Variants in SPNS3 observed in about 807,000 individuals in gnomAD.
SPNS3 encodes SPNS lysolipid transporter 3, sphingosine-1-phosphate (putative).
A neutral mutation model predicts 54.4 loss-of-function variants in SPNS3; 51 were observed. That is an observed-to-expected ratio of 0.94 (90% confidence interval 0.75 to 1.18). SPNS3 has a LOEUF of 1.18. SPNS3 is among the 50% of genes most tolerant of loss of function. The pLI is 0.00. For missense variants in SPNS3, 669 were observed against 677.4 expected, an observed-to-expected ratio of 0.99 and a Z score of 0.14; for synonymous variants, 309 against 294.7, an observed-to-expected ratio of 1.05 and a Z score of -0.50.
At chr17:4,482,132 C>T (rs1399208656) in intron 9 of SPNS3, 2 of 152,348 alleles carry the variant, frequency 1.3e-5, no homozygotes, top group South Asian at 2.1e-4. Context: ...ATGATCCGCC[C>T]CCCTTGGCCT....
intron 8 of SPNS3, among the ~76,000 whole-genome samples, chr17:4,473,512 C>G (rs919972430): frequency 1.3e-5 from 2 of 151,946 alleles, no homozygotes; most frequent in Non-Finnish European, 2.9e-5. Flanking sequence ...TTTAGCCACC[C>G]GAGTAGCTGG....
At position 4,460,798 on chromosome 17, in the gene SPNS3, T is replaced by C. The variant is rs139172834; in HGVS notation, c.1113+7593T>C. Among the ~76,000 whole-genome samples, 5 of 152,262 alleles carry C rather than the reference T, an allele frequency of 3.3e-5. No homozygotes were observed. The East Asian group carries it at 7.7e-4, about 23-fold the overall frequency. On this transcript the variant is annotated intron_variant, in intron 8 of 11. Coordinates refer to ENST00000355530, the MANE Select transcript of SPNS3 (RefSeq NM_182538.5). ...TTGAGGATTTTTGCACGTACATTCA[T>C]AAGAGATATTGGTCTGCAGTTTTCT... is the stretch of plus-strand genomic sequence containing the variant.
chr17:4,444,355 C>G, intron 2 of SPNS3, among the ~76,000 whole-genome samples: 1 of 151,610 alleles, frequency 6.6e-6, no homozygotes, highest in East Asian at 2.0e-4. Context: ...GCTGGGAGTA[C>G]AGATGCCCAC....
intron 8 of SPNS3, among the ~76,000 whole-genome samples, chr17:4,464,879 C>T (rs1303544209): frequency 1.3e-5 from 2 of 152,218 alleles, no homozygotes; most frequent in South Asian, 4.1e-4. Context: ...TGGGGTTTCA[C>T]CATGTTGGCC....
At chr17:4,476,833 T>C (rs1972015016) in intron 8 of SPNS3, among the ~76,000 whole-genome samples, 1 of 152,198 alleles carries the variant, frequency 6.6e-6, no homozygotes, top group Non-Finnish European at 1.5e-5. Context: ...GCATGGCTGC[T>C]GGGACTCCTT....
chr17:4,437,046 C>G (rs1970734226), intron 1 of SPNS3, among the ~76,000 whole-genome samples: 1 of 152,188 alleles, frequency 6.6e-6, no homozygotes, highest in African/African-American at 2.4e-5. Context: ...TCTGTATGTG[C>G]AAGAAAGGGG....
At chr17:4,447,047 C>T (rs918133572) in intron 5 of SPNS3, 85 bp downstream of exon 5, 30 of 1,465,132 alleles carry the variant, frequency 2.0e-5, no homozygotes, top group Admixed American at 2.0e-4. Flanking sequence ...AGCCACTTGG[C>T]GTAGCACCCG....
Position 4,434,046 on chromosome 17 carries a change from C to G in SPNS3, c.79C>G (p.Gln27Glu). ...LQGQSPGPGRQCPPPITPTSW... is the reference protein window; with the variant it reads ...LQGQSPGPGRECPPPITPTSW... ...GGGCCAGTCCCCAGGGCCAGGCAGGCAGTGTCCCCCTCCCATCACGCCCAC... is the reference window on the plus strand; with the variant it reads ...GGGCCAGTCCCCAGGGCCAGGCAGGGAGTGTCCCCCTCCCATCACGCCCAC... The change falls in exon 1 of 12, where the codon CAG (glutamine) becomes GAG (glutamate). Residue 27 changes from glutamine to glutamate, a missense_variant. Physicochemically the swap from Gln to Glu is conservative, Grantham distance 29. Coordinates refer to ENST00000355530, the MANE Select transcript of SPNS3 (RefSeq NM_182538.5). 1 of 1,608,894 alleles carries G rather than the reference C, an allele frequency of 6.2e-7. No homozygotes were observed. Among genetic ancestry groups the G allele is most frequent in the Non-Finnish European group, 8.5e-7 (1 of 1,177,662 alleles).
intron 1 of SPNS3, among the ~76,000 whole-genome samples, chr17:4,435,045 G>A (rs1003040201): frequency 8.7e-5 from 13 of 149,718 alleles, no homozygotes; most frequent in African/African-American, 2.9e-4. Context: ...CAGGTGATCC[G>A]CCTGCCTCGG....
intron 8 of SPNS3, among the ~76,000 whole-genome samples, chr17:4,469,130 G>C (rs1369034533): frequency 6.6e-6 from 1 of 151,802 alleles, no homozygotes; most frequent in Admixed American, 6.6e-5. Flanking sequence ...TGTCACCCAG[G>C]CTGGAGTGCA....
Position 4,457,740 on chromosome 17 carries a change from GC to G in SPNS3, c.1113+4543del, listed in dbSNP as rs372560595. Among the ~76,000 whole-genome samples the G allele has an allele frequency of 1.7e-3, 249 of 147,206 alleles. 1 individual carries two copies. The highest frequency in any genetic ancestry group is 5.5e-3 in the African/African-American group (218 of 39,928). The stretch of plus-strand genomic sequence containing the variant: ...TTGGCTGTGTTTTGGGGACACAGCT[GC>G]CCCCCCCTCACCCCCTGCACCCTGC... On this transcript the variant is annotated intron_variant, in intron 8 of 11. Transcript: ENST00000355530.
At chr17:4,480,144 A>G (rs1471145655) in intron 9 of SPNS3, among the ~76,000 whole-genome samples, 3 of 151,802 alleles carry the variant, frequency 2.0e-5, no homozygotes, top group Non-Finnish European at 4.4e-5. Flanking sequence ...GCCCAGGCCC[A>G]GCGAGTGTGG....
In SPNS3 at chr17:4,453,047, G is replaced by A. The variant is rs767407184; in HGVS notation, c.955G>A (p.Gly319Ser). The A allele has an allele frequency of 9.9e-6, 16 of 1,613,830 alleles. 1 individual carries two copies. Among genetic ancestry groups the A allele is most frequent in the South Asian group, 2.2e-5 (2 of 91,066 alleles). The change falls in exon 8 of 12, where the codon GGC (glycine) becomes AGC (serine). Residue 319 changes from glycine to serine, a missense_variant. Coordinates refer to ENST00000355530, the MANE Select transcript of SPNS3 (RefSeq NM_182538.5). ...LIFGALTIMT[G>S]VIGVILGAEA... ...TTTTGGGGCACTGACCATCATGACC[G>A]GCGTCATTGGGGTCATCTTGGGGGC...
chr17:4,469,546 GA>G (rs1394990000), intron 8 of SPNS3, among the ~76,000 whole-genome samples: 1 of 150,896 alleles, frequency 6.6e-6, no homozygotes, highest in Non-Finnish European at 1.5e-5. Context: ...TTGGACCTGG[GA>G]GGTGGAGGTT....
chr17:4,436,246 G>A (rs968161211), intron 1 of SPNS3, among the ~76,000 whole-genome samples: 9 of 152,246 alleles, frequency 5.9e-5, no homozygotes, highest in East Asian at 1.9e-4. Context: ...CCTGGGCATC[G>A]ATCTGTCAGT....
chr17:4,474,755 C>T (rs1487813673), intron 8 of SPNS3, among the ~76,000 whole-genome samples: 2 of 152,038 alleles, frequency 1.3e-5, no homozygotes, highest in Non-Finnish European at 2.9e-5. Context: ...ATGATGAGAC[C>T]GCAGGTATGC....
In SPNS3 at chr17:4,458,588, C is replaced by T. The variant is rs1186123154; in HGVS notation, c.1113+5383C>T. 3.4e-3 allele frequency among the ~76,000 whole-genome samples: 203 copies of T among 59,276 alleles called. 2 individuals carry two copies. The highest frequency in any genetic ancestry group is 9.6e-3 in the Middle Eastern group (1 of 104). 38.9% of individuals were successfully genotyped at this position (59,276 alleles called of 152,430 possible). On this transcript the variant is annotated intron_variant, in intron 8 of 11. Coordinates refer to ENST00000355530, the MANE Select transcript of SPNS3 (RefSeq NM_182538.5). ...TCCCTCCTTTCTTTCTTCCTTCCCT[C>T]CTTTCTTTCTTTCTTTCTTTCTTTC...
At chr17:4,442,719 T>C (rs1173765268) in intron 2 of SPNS3, among the ~76,000 whole-genome samples, 1 of 152,208 alleles carries the variant, frequency 6.6e-6, no homozygotes, top group Non-Finnish European at 1.5e-5. Flanking sequence ...TATCAACTTA[T>C]TTAATCTTCA....
chr17:4,450,716 C>T (rs1971140026), intron 7 of SPNS3, among the ~76,000 whole-genome samples: 1 of 151,918 alleles, frequency 6.6e-6, no homozygotes, highest in African/African-American at 2.4e-5. Context: ...CCTACCTCAG[C>T]CTCCCGAGTA....
Sources: gnomAD v4.1 joint callset for allele counts (sites outside exome capture counted in the v4.1 genomes callset) on GRCh38, gnomAD v4.1.1 for gene constraint, MANE v1.5 for transcripts, NCBI Gene and HGNC (gene_info 2026-07-23, HGNC 2026-07-21) for gene names.